PFKFB2: variants seen among roughly 807,000 people sequenced by gnomAD.
The protein encoded by PFKFB2 is 6-phosphofructo-2-kinase/fructose-2,6-biphosphatase 2.
In PFKFB2, 53 loss-of-function variants were observed where a neutral mutation model predicts 68.0. That is an observed-to-expected ratio of 0.78 (90% CI 0.63 to 0.98). The LOEUF is 0.98. Among genes scored for constraint, PFKFB2 ranks in the 50% least tolerant of loss-of-function variants. The pLI, the probability that PFKFB2 is intolerant of heterozygous loss-of-function variation, is 0.00. For synonymous variants in PFKFB2, 222 were observed against 227.6 expected, an observed-to-expected ratio of 0.98 and a Z score of 0.22; for missense variants, 451 against 642.0, an observed-to-expected ratio of 0.70 and a Z score of 3.22.
chr1:207,038,087 G>A (rs1219172744), intron 1 of PFKFB2, among the ~76,000 whole-genome samples: 1 of 152,122 alleles, frequency 6.6e-6, no homozygotes, highest in African/African-American at 2.4e-5. Flanking sequence ...AGTAAATTTT[G>A]AGGAACATCA....
chr1:207,045,690 G>A (rs1237738782), intron 2 of PFKFB2: 1 of 151,778 alleles, frequency 6.6e-6, no homozygotes, highest in East Asian at 1.9e-4. Flanking sequence ...GTTTAGCTTA[G>A]GGCAACTTGC....
chr1:207,050,021 T>C (rs936565729), upstream of PFKFB2, among the ~76,000 whole-genome samples: 7 of 152,192 alleles, frequency 4.6e-5, no homozygotes, highest in Non-Finnish European at 1.0e-4. Flanking sequence ...TTCCTTTCCT[T>C]ATACAGTATT....
upstream of PFKFB2, chr1:207,050,680 T>C: frequency 6.2e-7 from 1 of 1,613,026 alleles, no homozygotes; most frequent in East Asian, 2.2e-5. Flanking sequence ...CCAGCCCTGA[T>C]TCCTTACCAG....
intron 1 of PFKFB2, among the ~76,000 whole-genome samples, chr1:207,035,466 C>G (rs1471303953): frequency 6.6e-6 from 1 of 152,112 alleles, no homozygotes; most frequent in African/African-American, 2.4e-5. Flanking sequence ...CCAGCCTGGG[C>G]AACATGGCAA....
intron 1 of PFKFB2, among the ~76,000 whole-genome samples, chr1:207,053,982 C>T (rs1558056183): frequency 7.0e-6 from 1 of 143,728 alleles, no homozygotes; most frequent in African/African-American, 2.6e-5. Context: ...TGGCTCACTG[C>T]AACCTCCGCC....
In PFKFB2 at chr1:207,075,263, G is replaced by A. The variant is rs975908849; in HGVS notation, c.*2892G>A. On this transcript the variant is annotated 3_prime_UTR_variant, in exon 15 of 15. Coordinates refer to ENST00000367080, the MANE Select transcript of PFKFB2 (RefSeq NM_006212.2). ...TCCCCACTCTCACCTGTGCTAGTTC[G>A]CTTTCTCCAGAAGAGGAGCTGAGGT... 1.4e-5 allele frequency: 14 copies of A among 985,306 alleles called. No individual in the cohort carries two copies. The highest frequency in any genetic ancestry group is 5.2e-5 in the African/African-American group (3 of 57,224). The allele number at this position is 985,306 out of a possible 1,614,324, so 61.0% of individuals were successfully genotyped here.
chr1:207,072,071 C>A, intron 14 of PFKFB2, 133 bp from the exon 15 acceptor site: 2 of 1,447,036 alleles, frequency 1.4e-6, no homozygotes, highest in South Asian at 1.4e-5. Flanking sequence ...ATGGGCCATG[C>A]CCTGTGAGGG....
intron 1 of PFKFB2, among the ~76,000 whole-genome samples, chr1:207,037,537 C>A (rs928644854): frequency 2.0e-5 from 3 of 152,212 alleles, no homozygotes; most frequent in Non-Finnish European, 4.4e-5. Context: ...AACTTCAGAC[C>A]TGTAGATGCC....
chr1:207,058,822 A>G (rs999569650), intron 2 of PFKFB2, among the ~76,000 whole-genome samples: 3 of 152,176 alleles, frequency 2.0e-5, no homozygotes, highest in Non-Finnish European at 2.9e-5. Flanking sequence ...AAGCAAGTTT[A>G]TGAAAGGAAA....
At chr1:207,071,448 A>G in intron 13 of PFKFB2, 61 bp from the exon 14 acceptor site, 10 of 1,379,824 alleles carry the variant, frequency 7.2e-6, no homozygotes, top group Non-Finnish European at 1.0e-5. Flanking sequence ...ACTTTCCCAT[A>G]ACTAAGGAAT....
chr1:207,076,340 C>A lies in PFKFB2; in HGVS notation c.*3969C>A, dbSNP rs1683623004. 2.0e-6 allele frequency: 2 copies of A among 983,920 alleles called. No individual in the cohort carries two copies. The highest frequency in any genetic ancestry group is 2.4e-6 in the Non-Finnish European group (2 of 829,726). 60.9% of individuals were successfully genotyped at this position (983,920 alleles called of 1,614,324 possible). ...GGCCAATGGGCACGGGAAAAAGTAT[C>A]CAGTAATCAGAAGAATTGTATCTGG... On this transcript the variant is annotated 3_prime_UTR_variant, in exon 15 of 15. Coordinates refer to ENST00000367080, the MANE Select transcript of PFKFB2 (RefSeq NM_006212.2).
rs769497692 is a variant in PFKFB2 at position 207,062,726 on chromosome 1, G to A, written c.308+10G>A. Reference sequence around the variant, plus strand: ...CCATGAAGATCCGCAAGTGAGTCTTGTTTAAGGCCTGATCTCCAGGTCAGC... The same window carrying A: ...CCATGAAGATCCGCAAGTGAGTCTTATTTAAGGCCTGATCTCCAGGTCAGC... On this transcript the variant is annotated intron_variant, in intron 4 of 14. Coordinates refer to ENST00000367080, the MANE Select transcript of PFKFB2 (RefSeq NM_006212.2). The A allele has an allele frequency of 6.2e-6, 10 of 1,612,280 alleles. No individual in the cohort carries two copies. The Admixed American group carries it at 1.7e-4, about 27-fold the overall frequency.
Position 207,067,670 on chromosome 1 carries a change from T to TG in PFKFB2, c.809dup (p.Asp271Ter). Reference sequence around the variant, plus strand: ...GCGAGTTCAATCTCTTGGGGAAGATTGGGGGTGACTCTGGCCTCTCGGTGC... The same window carrying TG: ...GCGAGTTCAATCTCTTGGGGAAGATTGGGGGGTGACTCTGGCCTCTCGGTGC... On this transcript the variant is annotated frameshift_variant, in exon 9 of 15. Coordinates refer to ENST00000367080, the MANE Select transcript of PFKFB2 (RefSeq NM_006212.2). LOFTEE classifies it high-confidence loss of function. 6.2e-7 allele frequency: 1 copy of TG among 1,613,774 alleles called. No homozygotes were observed. The highest frequency in any genetic ancestry group is 8.5e-7 in the Non-Finnish European group (1 of 1,179,908).
chr1:207,062,416 A>G, intron 3 of PFKFB2: 1 of 743,926 alleles, frequency 1.3e-6, no homozygotes, highest in Non-Finnish European at 2.2e-6. Flanking sequence ...TTGAAACCTC[A>G]GACAGCTTAA....
intron 2 of PFKFB2, among the ~76,000 whole-genome samples, chr1:207,061,432 C>T (rs1683114259): frequency 6.6e-6 from 1 of 151,914 alleles, no homozygotes; most frequent in South Asian, 2.1e-4. Flanking sequence ...TTGGTTTGGG[C>T]ATTTTCTGGA....
chr1:207,045,864 T>C (rs1682588387), intron 2 of PFKFB2: 1 of 152,030 alleles, frequency 6.6e-6, no homozygotes, highest in Non-Finnish European at 1.5e-5. Context: ...CATGACTACA[T>C]TAGTTGTTAA....
chr1:207,052,446 G>C (rs996245846), upstream of PFKFB2: 5 of 476,198 alleles, frequency 1.0e-5, no homozygotes, highest in South Asian at 1.2e-4. Context: ...TGAATCACCC[G>C]AGGTCAGAAG....
upstream of PFKFB2, among the ~76,000 whole-genome samples, chr1:207,051,925 G>A (rs901874782): frequency 1.3e-5 from 2 of 152,258 alleles, no homozygotes; most frequent in Non-Finnish European, 2.9e-5. Context: ...GGCAACTAGA[G>A]CACTCTGGGA....
chr1:207,077,890 T>C (rs1027223093), downstream of PFKFB2: 59 of 677,332 alleles, frequency 8.7e-5, no homozygotes, highest in Non-Finnish European at 1.1e-4. Context: ...CCTAAAACTT[T>C]GCCTCATGCT....
Sources: allele counts gnomAD v4.1 joint callset (sites outside exome capture counted in the v4.1 genomes callset), GRCh38; gene constraint gnomAD v4.1.1; transcripts MANE v1.5; gene names NCBI Gene and HGNC (gene_info 2026-07-23, HGNC 2026-07-21).